PIGR: variants seen among roughly 807,000 people sequenced by gnomAD.
The protein encoded by PIGR is hepatocellular carcinoma associated protein TB6.
PIGR carries 22 observed loss-of-function variants against 69.5 expected under a neutral mutation model. The observed-to-expected ratio is 0.32, with a 90% CI of 0.23 to 0.45. PIGR has a LOEUF of 0.45. PIGR is among the 20% of genes least tolerant of loss of function. The pLI is 1.00. For synonymous variants in PIGR, 413 were observed against 407.6 expected, an observed-to-expected ratio of 1.01 and a Z score of -0.16; for missense variants, 885 against 974.0, an observed-to-expected ratio of 0.91 and a Z score of 1.22.
At chr1:206,942,914 T>C (rs1197981835) in intron 1 of PIGR, among the ~76,000 whole-genome samples, 2 of 152,200 alleles carry the variant, frequency 1.3e-5, no homozygotes, top group Non-Finnish European at 2.9e-5. Context: ...CAGGAGAGGA[T>C]ACCCCTGCTT....
intron 1 of PIGR, among the ~76,000 whole-genome samples, chr1:206,945,771 T>G (rs578150538): frequency 6.6e-6 from 1 of 152,228 alleles, no homozygotes; most frequent in African/African-American, 2.4e-5. Context: ...CCATACTTTA[T>G]GCGCACTATC....
chr1:206,936,663 A>G (rs1679867306), intron 4 of PIGR, among the ~76,000 whole-genome samples: 1 of 151,868 alleles, frequency 6.6e-6, no homozygotes, highest in African/African-American at 2.4e-5. Context: ...AGGCTGGGGC[A>G]CTCCTGGGAA....
intron 1 of PIGR, among the ~76,000 whole-genome samples, chr1:206,943,059 C>T (rs990939784): frequency 2.6e-5 from 4 of 152,170 alleles, no homozygotes; most frequent in African/African-American, 9.7e-5. Context: ...TCTTCCAAAC[C>T]TGGGGATTCA....
chr1:206,937,584 T>C lies in PIGR; in HGVS notation c.556A>G (p.Asn186Asp). 1 of 1,614,114 alleles carries C rather than the reference T, an allele frequency of 6.2e-7. No individual in the cohort carries two copies. The highest frequency in any genetic ancestry group is 8.5e-7 in the Non-Finnish European group (1 of 1,179,992). The stretch of plus-strand genomic sequence containing the variant: ...TCAAGGCGTATTCTTCCTGTATAGT[T>C]GGGATTTACATAACCACTGGAGTCG... ...VIDSSGYVNPNYTGRIRLDIQ... is the reference protein window; with the variant it reads ...VIDSSGYVNPDYTGRIRLDIQ... The change falls in exon 4 of 11, where the codon AAC becomes GAC. Residue 186 changes from asparagine (N) to aspartate (D), a missense_variant. Coordinates refer to ENST00000356495, the MANE Select transcript of PIGR (RefSeq NM_002644.4).
Position 206,939,355 on chromosome 1 carries a change from G to A in PIGR, c.152C>T (p.Thr51Ile). 1 of 1,614,238 alleles carries A rather than the reference G, an allele frequency of 6.2e-7. No individual in the cohort carries two copies. Among genetic ancestry groups the A allele is most frequent in the African/African-American group, 1.3e-5 (1 of 75,068 alleles). Residue 51 changes from threonine to isoleucine, a missense_variant, in exon 3 of 11, where the codon ACC becomes ATC. Coordinates refer to ENST00000356495, the MANE Select transcript of PIGR (RefSeq NM_002644.4). ...YYPPTSVNRH[T>I]RKYWCRQGAR... The stretch of plus-strand genomic sequence containing the variant: ...TCCCTGCCGGCACCAGTACTTCCGG[G>A]TGTGCCGGTTGACAGAGGTGGGTGG...
intron 1 of PIGR, among the ~76,000 whole-genome samples, chr1:206,942,583 A>G (rs1680007979): frequency 1.3e-5 from 2 of 152,160 alleles, no homozygotes; most frequent in East Asian, 1.9e-4. Context: ...AAGCTGCCTC[A>G]TATTTGCGTG....
At chr1:206,940,620 C>G in intron 1 of PIGR, 36 bp from the exon 2 acceptor site, 1 of 1,322,508 alleles carries the variant, frequency 7.6e-7, no homozygotes. Context: ...TGAAGCGCCC[C>G]TTGTCTTCCA....
Position 206,933,111 on chromosome 1 carries a change from T to C in PIGR, c.1761A>G (p.Leu587=). ...KADAAPDEKV[L]DSGFREIENK... is the part of the protein sequence containing the mutation. Reference sequence around the variant, plus strand: ...TCTCAATCTCCCGAAAACCAGAGTCTAGCACCTTCTCATCAGGAGCAGCGT... The same window carrying C: ...TCTCAATCTCCCGAAAACCAGAGTCCAGCACCTTCTCATCAGGAGCAGCGT... The change falls in exon 7 of 11, where the codon CTA becomes CTG. Residue 587 remains leucine, a synonymous_variant. Transcript: ENST00000356495. 1.2e-6 allele frequency: 2 copies of C among 1,614,176 alleles called. No individual in the cohort carries two copies. The highest frequency in any genetic ancestry group is 1.7e-6 in the Non-Finnish European group (2 of 1,180,020).
chr1:206,940,879 C>T (rs1181720440), intron 1 of PIGR, among the ~76,000 whole-genome samples: 4 of 152,194 alleles, frequency 2.6e-5, no homozygotes, highest in Non-Finnish European at 5.9e-5. Context: ...GACACAGTCC[C>T]AGGCACACCG....
At position 206,930,686 on chromosome 1, in the gene PIGR, C is replaced by G; in HGVS notation, c.2200-273G>C. The G allele has an allele frequency of 2.0e-6, 2 of 985,402 alleles. No individual in the cohort carries two copies. The highest frequency in any genetic ancestry group is 2.4e-6 in the Non-Finnish European group (2 of 829,924). 61.0% of individuals were successfully genotyped at this position (985,402 alleles called of 1,614,324 possible). ...CGCCTCTGTTGCCCGGGCCTGTCCC[C>G]GGAAGCTGCCCACACAGTCCACGGG... is the stretch of plus-strand genomic sequence containing the variant. On this transcript the variant is annotated intron_variant, in intron 10 of 10. Coordinates refer to ENST00000356495, the MANE Select transcript of PIGR (RefSeq NM_002644.4). This position sits in a 1 kb window ranked among gnomAD's most constrained non-coding sequence, Gnocchi z 4.3.
intron 3 of PIGR, 77 bp from the exon 4 acceptor site, chr1:206,937,828 T>C: frequency 7.5e-7 from 1 of 1,328,822 alleles, no homozygotes; most frequent in Non-Finnish European, 1.0e-6. Flanking sequence ...CTATTTGCTA[T>C]TCCTAGTTAG....
At position 206,939,279 on chromosome 1, in the gene PIGR, G is replaced by A. The variant is rs775563912; in HGVS notation, c.228C>T (p.Ser76=). 36 of 1,614,080 alleles carry A rather than the reference G, an allele frequency of 2.2e-5. No homozygotes were observed. The highest frequency in any genetic ancestry group is 2.9e-5 in the Non-Finnish European group (34 of 1,180,042). ...TGAGGTTAGCCCTGCCTGCATATTTGCTGGAGACGTAGCCCTCCGAGGAGA... is the reference window on the plus strand; with the variant it reads ...TGAGGTTAGCCCTGCCTGCATATTTACTGGAGACGTAGCCCTCCGAGGAGA... ...TLISSEGYVS[S]KYAGRANLTN... Residue 76 remains serine (S), a synonymous_variant, in exon 3 of 11, where the codon AGC becomes AGT. Coordinates refer to ENST00000356495, the MANE Select transcript of PIGR (RefSeq NM_002644.4).
chr1:206,929,968 G>A lies in PIGR; in HGVS notation c.*350C>T, dbSNP rs1250131177. 1 of 229,430 alleles carries A rather than the reference G, an allele frequency of 4.4e-6. No homozygotes were observed. Among genetic ancestry groups the A allele is most frequent in the Non-Finnish European group, 8.4e-6 (1 of 119,138 alleles). The allele number at this position is 229,430 out of a possible 1,614,324, so 14.2% of individuals were successfully genotyped here. On this transcript the variant is annotated 3_prime_UTR_variant, in exon 11 of 11. Coordinates refer to ENST00000356495, the MANE Select transcript of PIGR (RefSeq NM_002644.4). ...AAATTCTGTTGACATCCCATGATAA[G>A]GGTGCAGAGGGGCGCTGCACGTCTC...
chr1:206,940,345 T>C (rs971728235), intron 2 of PIGR, 144 bp downstream of exon 2: 2 of 711,154 alleles, frequency 2.8e-6, no homozygotes, highest in Non-Finnish European at 4.7e-6. Flanking sequence ...GTCTTCTCTG[T>C]ATGACTCTTC....
chr1:206,930,987 A>G lies in PIGR; in HGVS notation c.2199+510T>C. The stretch of plus-strand genomic sequence containing the variant: ...CTAGGGCAGATTGAGGGGATGGTAT[A>G]TGGCACCCAAGGCAGGAGTTGCCTC... On this transcript the variant is annotated intron_variant, in intron 10 of 10. Coordinates refer to ENST00000356495, the MANE Select transcript of PIGR (RefSeq NM_002644.4). This position sits in a 1 kb window ranked among gnomAD's most constrained non-coding sequence, Gnocchi z 4.3. 1.0e-6 allele frequency: 1 copy of G among 985,416 alleles called. No individual in the cohort carries two copies. The allele number at this position is 985,416 out of a possible 1,614,324, so 61.0% of individuals were successfully genotyped here.
At position 206,932,529 on chromosome 1, in the gene PIGR, C is replaced by T. The variant is rs755576254; in HGVS notation, c.1935G>A (p.Val645=). The T allele has an allele frequency of 1.2e-6, 2 of 1,613,908 alleles. No homozygotes were observed. Among genetic ancestry groups the T allele is most frequent in the Non-Finnish European group, 1.7e-6 (2 of 1,180,010 alleles). The change falls in exon 8 of 11, where the codon GTG becomes GTA. Residue 645 remains valine (V), a synonymous_variant. Coordinates refer to ENST00000356495, the MANE Select transcript of PIGR (RefSeq NM_002644.4). ...GSSRALVSTL[V]PLGLVLAVGA... ...CCACTGCCAGCACCAGGCCCAGGGG[C>T]ACCAGGGTGGAGACCAGCGCTCTGG...
chr1:206,931,884 A>T, intron 8 of PIGR, 82 bp from the exon 9 acceptor site: 1 of 1,507,212 alleles, frequency 6.6e-7, no homozygotes, highest in East Asian at 2.3e-5. Context: ...CTCTGGGCGG[A>T]TCCACTGTAG....
At chr1:206,943,076 G>A (rs919646148) in intron 1 of PIGR, among the ~76,000 whole-genome samples, 6 of 152,138 alleles carry the variant, frequency 3.9e-5, no homozygotes, top group African/African-American at 1.4e-4. Flanking sequence ...TTCAAATCTC[G>A]GGAGACCTCC....
intron 2 of PIGR, among the ~76,000 whole-genome samples, chr1:206,940,130 CT>C (rs1006646725): frequency 5.3e-5 from 8 of 152,074 alleles, no homozygotes; most frequent in South Asian, 2.1e-4. Flanking sequence ...ATTTTCTTTT[CT>C]TTTTTTTCCC....
Sources: gnomAD v4.1 joint callset for allele counts (sites outside exome capture counted in the v4.1 genomes callset) on GRCh38, gnomAD v4.1.1 for gene constraint, Gnocchi (gnomAD v3.1) non-coding constraint, MANE v1.5 for transcripts, NCBI Gene and HGNC (gene_info 2026-07-23, HGNC 2026-07-21) for gene names.